HNRNPUL1: variants seen among roughly 807,000 people sequenced by gnomAD.
HNRNPUL1 encodes heterogeneous nuclear ribonucleoprotein U-like protein 1.
A neutral mutation model predicts 108.5 loss-of-function variants in HNRNPUL1; 14 were observed. That is an observed-to-expected ratio of 0.13 (90% CI 0.09 to 0.20). The LOEUF (loss-of-function observed/expected upper bound fraction) is 0.20, where lower values mean the gene tolerates loss of function less well. Among genes scored for constraint, HNRNPUL1 ranks in the 10% least tolerant of loss-of-function variants. HNRNPUL1 has a pLI of 1.00. For synonymous variants in HNRNPUL1, 422 were observed against 445.2 expected, an observed-to-expected ratio of 0.95 and a Z score of 0.66; for missense variants, 804 against 1,168.3, an observed-to-expected ratio of 0.69 and a Z score of 4.55.
intron 6 of HNRNPUL1, 76 bp from the exon 7 acceptor site, chr19:41,281,087 T>G (rs1414452023): frequency 1.1e-6 from 1 of 889,792 alleles, no homozygotes; most frequent in African/African-American, 1.7e-5. Context: ...TCTTCAAAAA[T>G]AAAAGTATGT....
chr19:41,273,898 C>G (rs905925448), intron 3 of HNRNPUL1, 84 bp from the exon 4 acceptor site: 3 of 1,132,112 alleles, frequency 2.6e-6, no homozygotes, highest in East Asian at 2.4e-5. Context: ...GGAGGCCACT[C>G]ATAGATTACA....
chr19:41,306,476 C>G lies in HNRNPUL1; in HGVS notation c.2482C>G (p.Gln828Glu). The change falls in exon 15 of 15, where the codon CAG (glutamine) becomes GAG (glutamate). Residue 828 changes from glutamine (Q) to glutamate (E), a missense_variant. By Grantham distance (29) the Gln-to-Glu change is conservative (BLOSUM62 2). Around this residue, in one of 4 missense-constraint regions of HNRNPUL1, gnomAD observed 294 missense variants for 388.3 expected, o/e 0.76. Transcript: ENST00000392006. ...TGCCCAGCAGTGGAACCAGTACTAT[C>G]AGAACCAGGGCCAGTGGCCGCCATA... is the stretch of plus-strand genomic sequence containing the variant. ...QYAQQWNQYY[Q>E]NQGQWPPYYG... The G allele has an allele frequency of 6.2e-7, 1 of 1,600,974 alleles. No individual in the cohort carries two copies. The highest frequency in any genetic ancestry group is 8.5e-7 in the Non-Finnish European group (1 of 1,174,602).
rs1028922054 is a variant in HNRNPUL1, at chr19:41,306,548, G to A, written c.2554G>A (p.Gly852Ser). 1.9e-6 allele frequency: 3 copies of A among 1,600,170 alleles called. No homozygotes were observed. The highest frequency in any genetic ancestry group is 2.2e-5 in the South Asian group (2 of 89,256). ...YGSYSGNTQG[G>S]TSTQ ...GAGCTACTCCGGGAACACACAGGGTGGCACAAGTACACAGTAGCCAGTGTG... is the reference window on the plus strand; with the variant it reads ...GAGCTACTCCGGGAACACACAGGGTAGCACAAGTACACAGTAGCCAGTGTG... The change falls in exon 15 of 15, where the codon GGC (glycine) becomes AGC (serine). Residue 852 changes from glycine to serine, a missense_variant. Transcript: ENST00000392006.
chr19:41,281,676 CCTTT>C (rs890527757), intron 7 of HNRNPUL1, among the ~76,000 whole-genome samples: 5 of 152,154 alleles, frequency 3.3e-5, no homozygotes, highest in Non-Finnish European at 7.4e-5. Flanking sequence ...AAAACTTCTC[CCTTT>C]CTTCATCTCA....
At chr19:41,289,234 C>A (rs913756190) in intron 7 of HNRNPUL1, among the ~76,000 whole-genome samples, 2 of 152,086 alleles carry the variant, frequency 1.3e-5, no homozygotes, top group African/African-American at 4.8e-5. Flanking sequence ...CAGAAGATAC[C>A]ACAACTTTAA....
At chr19:41,288,105 A>G (rs898426483) in intron 7 of HNRNPUL1, among the ~76,000 whole-genome samples, 2 of 151,896 alleles carry the variant, frequency 1.3e-5, no homozygotes, top group Non-Finnish European at 1.5e-5. Flanking sequence ...AAGGGGATAC[A>G]GTGTAAAGTC....
intron 10 of HNRNPUL1, among the ~76,000 whole-genome samples, chr19:41,301,142 A>T (rs1313819485): frequency 6.6e-6 from 1 of 152,230 alleles, no homozygotes; most frequent in African/African-American, 2.4e-5. Context: ...TCTCTCTGGG[A>T]AGTAGGGCTG....
chr19:41,281,347 C>G (rs1339839978), intron 7 of HNRNPUL1, 72 bp downstream of exon 7: 1 of 964,070 alleles, frequency 1.0e-6, no homozygotes, highest in African/African-American at 1.6e-5. Context: ...CAGGATACCT[C>G]TATCCATTGT....
At position 41,304,243 on chromosome 19, in the gene HNRNPUL1, C is replaced by T; in HGVS notation, c.2244C>T (p.Ser748=). The change falls in exon 13 of 15, where the codon AGC becomes AGT. Residue 748 remains serine (S), a synonymous_variant. Coordinates refer to ENST00000392006, the MANE Select transcript of HNRNPUL1 (RefSeq NM_007040.6). The stretch of plus-strand genomic sequence containing the variant: ...CCAATACCAGCACCCCCACCGTCAG[C>T]AGCTACAGCCCTCCACAGGTGAGAG... ...SSANTSTPTV[S]SYSPPQPSYS... 1.2e-6 allele frequency: 2 copies of T among 1,610,252 alleles called. No homozygotes were observed. The highest frequency in any genetic ancestry group is 1.7e-6 in the Non-Finnish European group (2 of 1,177,614).
At chr19:41,288,522 G>A (rs1399541706) in intron 7 of HNRNPUL1, among the ~76,000 whole-genome samples, 2 of 152,150 alleles carry the variant, frequency 1.3e-5, no homozygotes, top group Admixed American at 1.3e-4. Flanking sequence ...GAGATTACAA[G>A]CGTGAGCCAC....
At position 41,264,753 on chromosome 19, in the gene HNRNPUL1, C is replaced by T. The variant is rs1036768833; in HGVS notation, c.250C>T (p.Gln84Ter). The T allele has an allele frequency of 3.6e-6, 5 of 1,386,628 alleles. No homozygotes were observed. The highest frequency in any genetic ancestry group is 1.6e-5 in the South Asian group (1 of 60,976). 85.9% of individuals were successfully genotyped at this position (1,386,628 alleles called of 1,614,324 possible). ...CGCGCAGCCACCGCCGCCCGGGCTG[C>T]AGCCGCACGCGGAGCCCGGCGGCTA... ...GTAQPPPPGL[Q>*]PHAEPGGYSG... Residue 84 changes from glutamine (Q) to a stop codon, truncating the protein, a stop_gained, in exon 1 of 15, where the codon CAG (glutamine) becomes TAG (stop). Coordinates refer to ENST00000392006, the MANE Select transcript of HNRNPUL1 (RefSeq NM_007040.6). LOFTEE classifies it high-confidence loss of function.
At chr19:41,290,328 G>A (rs2036510110) in intron 7 of HNRNPUL1, among the ~76,000 whole-genome samples, 1 of 151,944 alleles carries the variant, frequency 6.6e-6, no homozygotes, top group African/African-American at 2.4e-5. Context: ...ATTTTAAAAA[G>A]GCAAAAAAAC....
chr19:41,301,477 G>A, intron 10 of HNRNPUL1, 59 bp from the exon 11 acceptor site: 1 of 1,484,976 alleles, frequency 6.7e-7, no homozygotes, highest in East Asian at 2.3e-5. Context: ...ATACCCCTCA[G>A]AGGAAAAAAC....
chr19:41,307,108 C>T lies in HNRNPUL1; in HGVS notation c.*543C>T, dbSNP rs10826. 8,424 of 151,098 alleles carry T rather than the reference C, an allele frequency of 0.056. 317 individuals carry two copies. Among genetic ancestry groups the T allele is most frequent in the South Asian group, 0.18 (861 of 4,764 alleles). 9.4% of individuals were successfully genotyped at this position (151,098 alleles called of 1,614,324 possible). A position where few individuals can be genotyped will look rare whatever the true frequency, so the allele number is the denominator to read the frequency against. On this transcript the variant is annotated 3_prime_UTR_variant, in exon 15 of 15. Transcript: ENST00000392006. ...CAGTGACTTTTTTTTGGTAATTATG[C>T]GCTTTTTTTTAATTTTTAGAATTTG...
chr19:41,265,711 G>A (rs560513874), intron 1 of HNRNPUL1, among the ~76,000 whole-genome samples: 11 of 152,198 alleles, frequency 7.2e-5, no homozygotes, highest in Non-Finnish European at 1.3e-4. Flanking sequence ...AGCTAACTGT[G>A]GGGTTTTTGG....
At position 41,264,471 on chromosome 19, in the gene HNRNPUL1, C is replaced by T; in HGVS notation, c.-33C>T. On this transcript the variant is annotated 5_prime_UTR_variant, in exon 1 of 15. Transcript: ENST00000392006. ...GGGGACAGAGCCCTGGGAGGCCGGG[C>T]CGGGCTCGGGGGCCACCCCGGGGGC... 1 of 1,340,910 alleles carries T rather than the reference C, an allele frequency of 7.5e-7. No homozygotes were observed. Among genetic ancestry groups the T allele is most frequent in the Non-Finnish European group, 9.6e-7 (1 of 1,045,584 alleles). 83.1% of individuals were successfully genotyped at this position (1,340,910 alleles called of 1,614,324 possible).
intron 10 of HNRNPUL1, among the ~76,000 whole-genome samples, chr19:41,301,043 C>T (rs914717107): frequency 2.7e-4 from 41 of 152,116 alleles, no homozygotes; most frequent in African/African-American, 9.2e-4. Context: ...ATGAAAAAGC[C>T]TCAGGAGGAT....
chr19:41,291,997 A>AC lies in HNRNPUL1; in HGVS notation c.1000-248_1000-247insC, dbSNP rs200513047. The stretch of plus-strand genomic sequence containing the variant: ...CCTGTCTCAAAAAAAAAAAAAACAA[A>AC]AAAAAAAAACTCTTGCTTACTTGCT... On this transcript the variant is annotated intron_variant, in intron 7 of 14. Transcript: ENST00000392006. 1,583 of 510,274 alleles carry AC rather than the reference A, an allele frequency of 3.1e-3. 27 individuals carry two copies. The highest frequency in any genetic ancestry group is 0.019 in the African/African-American group (987 of 51,018). The allele number at this position is 510,274 out of a possible 1,614,324, so 31.6% of individuals were successfully genotyped here.
chr19:41,266,680 G>A (rs1388819519), intron 1 of HNRNPUL1, among the ~76,000 whole-genome samples: 1 of 152,116 alleles, frequency 6.6e-6, no homozygotes, highest in Non-Finnish European at 1.5e-5. Flanking sequence ...AGTTTGTGGA[G>A]TTTTTCTGAA....
Sources: allele counts gnomAD v4.1 joint callset (sites outside exome capture counted in the v4.1 genomes callset), GRCh38; gene constraint gnomAD v4.1.1; regional missense constraint gnomAD v4.1.1; transcripts MANE v1.5; gene names NCBI Gene and HGNC (gene_info 2026-07-23, HGNC 2026-07-21).